GABRG3: variants seen among roughly 807,000 people sequenced by gnomAD.
The protein encoded by GABRG3 is gamma-aminobutyric acid receptor subunit gamma-3.
A neutral mutation model predicts 48.8 loss-of-function variants in GABRG3; 25 were observed. That is an observed-to-expected ratio of 0.51 (90% CI 0.37 to 0.72). The LOEUF (loss-of-function observed/expected upper bound fraction) is 0.72. GABRG3 is among the 30% of genes least tolerant of loss of function. GABRG3 has a pLI of 0.00. For synonymous variants in GABRG3, 227 were observed against 217.6 expected (o/e 1.04, Z -0.38); for missense variants, 394 against 577.9 (o/e 0.68, Z 3.26).
chr15:27,218,727 A>T (rs8036270), intron 3 of GABRG3, among the ~76,000 whole-genome samples: 1 of 151,974 alleles, frequency 6.6e-6, no homozygotes, highest in Non-Finnish European at 1.5e-5. Flanking sequence ...ATATAAGGAA[A>T]TGAGGTTTAG....
chr15:26,994,523 CTCTTTA>C (rs1382848664), intron 2 of GABRG3, among the ~76,000 whole-genome samples: 2 of 152,006 alleles, frequency 1.3e-5, no homozygotes, highest in Admixed American at 1.3e-4. Flanking sequence ...ACTTTTGTTT[CTCTTTA>C]TATCTTATTG....
At chr15:27,335,577 C>A (rs1469509832) in intron 5 of GABRG3, among the ~76,000 whole-genome samples, 35 of 151,720 alleles carry the variant, frequency 2.3e-4, no homozygotes, top group Admixed American at 2.2e-3. Context: ...ATAAGGCCAA[C>A]AAAAAAGGGA....
chr15:27,256,266 C>CT (rs1428026422), intron 3 of GABRG3, among the ~76,000 whole-genome samples: 1 of 145,938 alleles, frequency 6.9e-6, no homozygotes, highest in Non-Finnish European at 1.5e-5. Flanking sequence ...CATGGTGAAA[C>CT]CCGTCTCTAC....
intron 7 of GABRG3, among the ~76,000 whole-genome samples, chr15:27,521,962 T>C (rs1259087864): frequency 6.6e-6 from 1 of 151,990 alleles, no homozygotes; most frequent in Non-Finnish European, 1.5e-5. Context: ...CAAATATTTT[T>C]GAAAACAAGT....
rs752060511 is a variant in GABRG3 at position 27,447,994 on chromosome 15, G to A, written c.575-32656G>A. Among the ~76,000 whole-genome samples the A allele has an allele frequency of 6.6e-6, 1 of 152,118 alleles. No individual in the cohort carries two copies. The highest frequency in any genetic ancestry group is 1.5e-5 in the Non-Finnish European group (1 of 68,018). The stretch of plus-strand genomic sequence containing the variant: ...CTGCACATGTATCCCAGAACTTAAA[G>A]TATAATAAGATAAAATACACAAATA... On this transcript the variant is annotated intron_variant, in intron 5 of 9. Transcript: ENST00000615808. The surrounding 1 kb of genome is among the most constrained non-coding windows in gnomAD (Gnocchi z 4.0).
intron 3 of GABRG3, among the ~76,000 whole-genome samples, chr15:27,308,499 T>TA (rs1262451109): frequency 9.4e-5 from 14 of 148,214 alleles, no homozygotes; most frequent in Admixed American, 8.8e-4. Context: ...CATACATGTT[T>TA]TATATAAACA....
intron 5 of GABRG3, among the ~76,000 whole-genome samples, chr15:27,453,655 G>A (rs1215599068): frequency 6.6e-6 from 1 of 152,156 alleles, no homozygotes. Flanking sequence ...AGGCTGGAGT[G>A]CAATGGCGCA....
chr15:27,351,598 TTG>T (rs758176698), intron 5 of GABRG3, among the ~76,000 whole-genome samples: 2 of 138,604 alleles, frequency 1.4e-5, no homozygotes, highest in Non-Finnish European at 1.6e-5. Context: ...TGTATGGCGT[TTG>T]TGTGTGTATG....
At chr15:27,406,649 GT>G (rs1453287063) in intron 5 of GABRG3, among the ~76,000 whole-genome samples, 1 of 152,180 alleles carries the variant, frequency 6.6e-6, no homozygotes, top group Admixed American at 6.5e-5. Flanking sequence ...TTAAGAAACT[GT>G]CACAGATTGG....
intron 9 of GABRG3, among the ~76,000 whole-genome samples, chr15:27,529,499 A>G (rs1347748100): frequency 2.6e-5 from 4 of 152,166 alleles, no homozygotes; most frequent in African/African-American, 9.7e-5. Flanking sequence ...AGGACCTCAT[A>G]TGCAGTGCCA....
chr15:26,994,025 G>C (rs1035882062), intron 2 of GABRG3, among the ~76,000 whole-genome samples: 2 of 151,696 alleles, frequency 1.3e-5, no homozygotes, highest in Admixed American at 1.3e-4. Context: ...TACCCCTTCT[G>C]CTTTTTAGGT....
intron 5 of GABRG3, among the ~76,000 whole-genome samples, chr15:27,409,717 C>G (rs956408297): frequency 6.6e-6 from 1 of 152,054 alleles, no homozygotes; most frequent in Non-Finnish European, 1.5e-5. Flanking sequence ...TGCATCTCTC[C>G]ATTATTTATA....
chr15:26,998,209 T>C (rs1338663977), intron 2 of GABRG3, among the ~76,000 whole-genome samples: 1 of 152,202 alleles, frequency 6.6e-6, no homozygotes, highest in Non-Finnish European at 1.5e-5. Flanking sequence ...TGTTTTTTGT[T>C]ACTAGTATTG....
intron 3 of GABRG3, among the ~76,000 whole-genome samples, chr15:27,292,597 A>T (rs1891832300): frequency 6.6e-6 from 1 of 152,106 alleles, no homozygotes; most frequent in South Asian, 2.1e-4. Context: ...TTGTACCATA[A>T]TTTTTTTCTG....
At chr15:27,220,092 C>T (rs899498738) in intron 3 of GABRG3, among the ~76,000 whole-genome samples, 1 of 152,114 alleles carries the variant, frequency 6.6e-6, no homozygotes, top group African/African-American at 2.4e-5. Context: ...ATGGGCAGCT[C>T]ACACCTAACC....
chr15:27,490,522 A>G (rs944779027), intron 6 of GABRG3, among the ~76,000 whole-genome samples: 10 of 152,182 alleles, frequency 6.6e-5, no homozygotes, highest in Non-Finnish European at 1.5e-4. Context: ...GTTTCCTGAG[A>G]TAACGAAGCT....
intron 3 of GABRG3, among the ~76,000 whole-genome samples, chr15:27,234,493 C>T (rs74004739): frequency 0.015 from 2,260 of 152,280 alleles, 56 homozygotes; most frequent in African/African-American, 0.052. Context: ...GTCCTGTAAG[C>T]TCAGCTCCCT....
chr15:27,030,800 A>G (rs117956338), intron 3 of GABRG3, among the ~76,000 whole-genome samples: 1,885 of 152,228 alleles, frequency 0.012, 12 homozygotes, highest in Non-Finnish European at 0.02. Flanking sequence ...AGCTTGTGGA[A>G]GACATCTTAG....
intron 2 of GABRG3, 105 bp from the exon 3 acceptor site, chr15:27,026,649 C>T: frequency 1.6e-6 from 1 of 615,922 alleles, no homozygotes; most frequent in Non-Finnish European, 2.7e-6. Flanking sequence ...TGTGTGTTTC[C>T]ACCATGTCCT....
Sources: allele counts gnomAD v4.1 joint callset (sites outside exome capture counted in the v4.1 genomes callset), GRCh38; gene constraint gnomAD v4.1.1; non-coding constraint Gnocchi (gnomAD v3.1); transcripts MANE v1.5; gene names NCBI Gene and HGNC (gene_info 2026-07-23, HGNC 2026-07-21).